The following RHPN1 variants were observed in gnomAD, a reference collection of about 807,000 sequenced individuals.
RHPN1 encodes the protein rhophilin Rho GTPase binding protein 1.
Under a neutral mutation model 74.7 loss-of-function variants are expected in RHPN1, and 77 were observed. The ratio of observed to expected loss-of-function variants is 1.03; its 90% CI spans 0.86 to 1.25. The LOEUF (loss-of-function observed/expected upper bound fraction) is 1.25. Ranked by LOEUF, RHPN1 falls within the 50% of genes most tolerant of loss-of-function variation. The probability of loss-of-function intolerance (pLI) is 0.00; values close to 1 mark genes in which losing one functional copy is unlikely to be tolerated. For missense variants in RHPN1, 987 were observed against 932.2 expected (o/e 1.06, Z -0.77); for synonymous variants, 444 against 414.5 (o/e 1.07, Z -0.87).
chr8:143,371,466 G>C (rs1481905532), intron 1 of RHPN1, among the ~76,000 whole-genome samples: 1 of 152,140 alleles, frequency 6.6e-6, no homozygotes, highest in Non-Finnish European at 1.5e-5. Context: ...GCCTGGCCCA[G>C]GGCCAGGGGA....
chr8:143,380,844 T>A (rs1818674955), intron 11 of RHPN1, 61 bp downstream of exon 11: 1 of 1,334,216 alleles, frequency 7.5e-7, no homozygotes, highest in Non-Finnish European at 1.0e-6. Context: ...GCCTTCGTCC[T>A]GGAGAAAGGG....
intron 5 of RHPN1, 22 bp from the exon 6 acceptor site, chr8:143,378,674 C>G: frequency 6.3e-7 from 1 of 1,589,114 alleles, no homozygotes. Flanking sequence ...GGCGGTGGGG[C>G]CCAGTGGCTC....
intron 12 of RHPN1, 112 bp from the exon 13 acceptor site, chr8:143,381,460 T>C: frequency 6.8e-7 from 1 of 1,467,316 alleles, no homozygotes; most frequent in East Asian, 2.4e-5. Flanking sequence ...CCCACCCACC[T>C]TGTGGAACCC....
At position 143,368,948 on chromosome 8, in the gene RHPN1, T is replaced by C; in HGVS notation, c.-40T>C. 2 of 1,429,490 alleles carry C rather than the reference T, an allele frequency of 1.4e-6. No individual in the cohort carries two copies. The highest frequency in any genetic ancestry group is 2.7e-5 in the South Asian group (2 of 73,282). The allele number at this position is 1,429,490 out of a possible 1,614,324, so 88.6% of individuals were successfully genotyped here. ...GCGGAGCGCTGCGCGAGCGGCGGGC[T>C]GGCTGACCCCGAGGGACCCCCAGCG... On this transcript the variant is annotated 5_prime_UTR_variant, in exon 1 of 15. Transcript: ENST00000289013.
In RHPN1 at chr8:143,377,472, A is replaced by G. The variant is rs908208196; in HGVS notation, c.381+17A>G. On this transcript the variant is annotated intron_variant, in intron 4 of 14. Coordinates refer to ENST00000289013, the MANE Select transcript of RHPN1 (RefSeq NM_052924.3). ...CCGCTGAAGGTAGGTACTGGCCTCC[A>G]AGCTCTGAGATACACGGCCCTGCCC... 1.9e-6 allele frequency: 3 copies of G among 1,597,532 alleles called. No individual in the cohort carries two copies. The highest frequency in any genetic ancestry group is 2.6e-6 in the Non-Finnish European group (3 of 1,165,690).
rs762464793 is a variant in RHPN1, at chr8:143,376,555, G to T, written c.207G>T (p.Thr69=). 3 of 1,612,128 alleles carry T rather than the reference G, an allele frequency of 1.9e-6. No individual in the cohort carries two copies. The highest frequency in any genetic ancestry group is 2.5e-6 in the Non-Finnish European group (3 of 1,179,494). Residue 69 remains threonine, a synonymous_variant, in exon 3 of 15, where the codon ACG becomes ACT. Coordinates refer to ENST00000289013, the MANE Select transcript of RHPN1 (RefSeq NM_052924.3). The part of the protein sequence containing the change: ...RATSNNRVRE[T]VALELSYVNS... ...CCAGCAACAACCGGGTGAGAGAGAC[G>T]GTCGCCCTGGAGCTGAGCTACGTCA...
chr8:143,370,888 AGGG>A (rs1817777225), intron 1 of RHPN1, among the ~76,000 whole-genome samples: 1 of 152,188 alleles, frequency 6.6e-6, no homozygotes, highest in African/African-American at 2.4e-5. Flanking sequence ...CAGTGGGAGA[AGGG>A]GGAGCAGGCT....
intron 10 of RHPN1, 53 bp downstream of exon 10, chr8:143,380,228 G>T: frequency 7.9e-7 from 1 of 1,265,028 alleles, no homozygotes; most frequent in Non-Finnish European, 1.1e-6. Context: ...ACCAACGGTG[G>T]CAGGGTGTCC....
rs369511915 is a variant in RHPN1, at chr8:143,375,648, G to A, written c.156G>A (p.Thr52=). ...QQIDKELQMR[T]GAENLYRATS... is the part of the protein sequence containing the mutation. ...TTGACAAGGAGCTGCAGATGCGGAC[G>A]GGCGCTGAGAACCTCTACAGGTCAG... The change falls in exon 2 of 15, where the codon ACG becomes ACA. Residue 52 remains threonine (T), a synonymous_variant. Transcript: ENST00000289013. 2.7e-5 allele frequency: 44 copies of A among 1,607,912 alleles called. No individual in the cohort carries two copies. The highest frequency in any genetic ancestry group is 3.3e-4 in the Middle Eastern group (2 of 6,038).
At chr8:143,373,997 G>C (rs1818041947) in intron 1 of RHPN1, 4 of 380,690 alleles carry the variant, frequency 1.1e-5, no homozygotes, top group Non-Finnish European at 1.4e-5. Context: ...CACCCGCTCA[G>C]CTGGCTGCTG....
chr8:143,378,737 G>A lies in RHPN1; in HGVS notation c.501G>A (p.Leu167=). The change falls in exon 6 of 15, where the codon CTG becomes CTA. Residue 167 remains leucine, a synonymous_variant. Coordinates refer to ENST00000289013, the MANE Select transcript of RHPN1 (RefSeq NM_052924.3). ...TPSRNESGLE[L]LTAYYNQLCF... Reference sequence around the variant, plus strand: ...GCCGGAATGAGTCGGGCCTGGAGCTGCTCACAGCCTATTACAACCAGCTGT... The same window carrying A: ...GCCGGAATGAGTCGGGCCTGGAGCTACTCACAGCCTATTACAACCAGCTGT... The A allele has an allele frequency of 1.3e-6, 2 of 1,592,780 alleles. No homozygotes were observed. The highest frequency in any genetic ancestry group is 2.3e-5 in the East Asian group (1 of 43,706).
In RHPN1 at chr8:143,378,356, T is replaced by TCGGGGGGGGGGC; in HGVS notation, c.459+11_459+12insGGGGGGGGGGCC. ...GGAGGCCCTGCGGCAGGTGTGTGGT[T>TCGGGGGGGGGGC]CCCCCGCCCACCCACCCTCCTGCAG... is the stretch of plus-strand genomic sequence containing the variant. On this transcript the variant is annotated intron_variant, in intron 5 of 14. Transcript: ENST00000289013. The TCGGGGGGGGGGC allele has an allele frequency of 1.6e-5, 25 of 1,525,358 alleles. No homozygotes were observed. The highest frequency in any genetic ancestry group is 2.3e-4 in the Middle Eastern group (1 of 4,338). 94.5% of individuals were successfully genotyped at this position (1,525,358 alleles called of 1,614,324 possible). A position where few individuals can be genotyped will look rare whatever the true frequency, so the allele number is the denominator to read the frequency against.
At chr8:143,370,471 C>T (rs1180202234) in intron 1 of RHPN1, among the ~76,000 whole-genome samples, 1 of 152,238 alleles carries the variant, frequency 6.6e-6, no homozygotes, top group Non-Finnish European at 1.5e-5. Context: ...AGGCTGGCCC[C>T]CAAACTGGCC....
At position 143,379,032 on chromosome 8, in the gene RHPN1, C is replaced by T. The variant is rs1818496154; in HGVS notation, c.705C>T (p.Cys235=). The change falls in exon 7 of 15, where the codon TGC becomes TGT. Residue 235 remains cysteine (C), a synonymous_variant. Coordinates refer to ENST00000289013, the MANE Select transcript of RHPN1 (RefSeq NM_052924.3). ...TQIGARQDRS[C]TEGARRAMEA... ...TTGGGGCGCGCCAGGACCGCTCCTGCACCGAGGGTGCCCGCCGCGCTATGG... is the reference window on the plus strand; with the variant it reads ...TTGGGGCGCGCCAGGACCGCTCCTGTACCGAGGGTGCCCGCCGCGCTATGG... 1 of 1,545,634 alleles carries T rather than the reference C, an allele frequency of 6.5e-7. No individual in the cohort carries two copies. Among genetic ancestry groups the T allele is most frequent in the African/African-American group, 1.4e-5 (1 of 72,960 alleles).
intron 4 of RHPN1, 149 bp from the exon 5 acceptor site, chr8:143,378,120 C>G (rs1291200572): frequency 1.5e-6 from 1 of 677,082 alleles, no homozygotes; most frequent in East Asian, 2.7e-5. Context: ...CTGAGGGGCC[C>G]AGGGCCCCCA....
At chr8:143,376,984 A>G (rs902741621) in intron 3 of RHPN1, among the ~76,000 whole-genome samples, 4 of 143,784 alleles carry the variant, frequency 2.8e-5, no homozygotes, top group Non-Finnish European at 6.0e-5. Context: ...GTGCGTGTGC[A>G]TGTCTGCGTG....
chr8:143,379,488 C>A lies in RHPN1; in HGVS notation c.925C>A (p.Leu309Met). The A allele has an allele frequency of 6.4e-7, 1 of 1,559,804 alleles. No homozygotes were observed. The highest frequency in any genetic ancestry group is 8.7e-7 in the Non-Finnish European group (1 of 1,152,552). ...APQDCLAQLR[L>M]AQEAAQVAAE... ...CCAAGACTGCCTGGCCCAGCTGCGC[C>A]TGGCGCAGGAGGCCGCCCAGGTGAG... The change falls in exon 8 of 15, where the codon CTG becomes ATG. Residue 309 changes from leucine (L) to methionine (M), a missense_variant. By Grantham distance (15) the Leu-to-Met change is conservative. Transcript: ENST00000289013.
At chr8:143,364,491 G>A (rs1817537705), upstream of RHPN1, among the ~76,000 whole-genome samples, 1 of 152,140 alleles carries the variant, frequency 6.6e-6, no homozygotes, top group Non-Finnish European at 1.5e-5. The surrounding 1 kb of genome is among the most constrained non-coding windows in gnomAD (Gnocchi z 4.5). Flanking sequence ...CCCCACCAGG[G>A]CCTGGCAGGG....
At chr8:143,381,773 C>T in intron 13 of RHPN1, 34 bp from the exon 14 acceptor site, 1 of 1,606,612 alleles carries the variant, frequency 6.2e-7, no homozygotes, top group Non-Finnish European at 8.5e-7. Context: ...CCAGGGTGTC[C>T]TGTCCCCACC....
Sources: allele counts gnomAD v4.1 joint callset (sites outside exome capture counted in the v4.1 genomes callset), GRCh38; gene constraint gnomAD v4.1.1; non-coding constraint Gnocchi (gnomAD v3.1); transcripts MANE v1.5; gene names NCBI Gene and HGNC (gene_info 2026-07-23, HGNC 2026-07-21).